Variants in RAB35 observed in about 807,000 individuals in gnomAD.
The protein encoded by RAB35 is ras-related protein Rab-35.
RAB35 carries 4 observed loss-of-function variants against 28.9 expected under a neutral mutation model. The observed-to-expected ratio is 0.14, with a 90% CI of 0.07 to 0.32. RAB35 has a LOEUF of 0.32. RAB35 is among the 10% of genes least tolerant of loss of function. The probability of loss-of-function intolerance (pLI) is 1.00; values close to 1 mark genes in which losing one functional copy is unlikely to be tolerated. For missense variants in RAB35, 128 were observed against 274.0 expected, an observed-to-expected ratio of 0.47 and a Z score of 3.76; for synonymous variants, 99 against 105.1, an observed-to-expected ratio of 0.94 and a Z score of 0.35.
chr12:120,111,940 C>G (rs1876134169), intron 1 of RAB35, among the ~76,000 whole-genome samples: 1 of 151,946 alleles, frequency 6.6e-6, no homozygotes, highest in African/African-American at 2.4e-5. Context: ...CGAGGCTGCC[C>G]AAGGGCACAT....
At position 120,110,934 on chromosome 12, in the gene RAB35, G is replaced by A. The variant is rs533228956; in HGVS notation, c.53-2467C>T. ...CCGAGTCCCGGGTTGGGTCCTTCACGGCGCTGTGCCCAACACCAGCACCCC... is the reference window on the plus strand; with the variant it reads ...CCGAGTCCCGGGTTGGGTCCTTCACAGCGCTGTGCCCAACACCAGCACCCC... On this transcript the variant is annotated intron_variant, in intron 1 of 5. Coordinates refer to ENST00000229340, the MANE Select transcript of RAB35 (RefSeq NM_006861.7). 1.3e-4 allele frequency among the ~76,000 whole-genome samples: 20 copies of A among 152,324 alleles called. No individual in the cohort carries two copies. In the South Asian group the frequency reaches 4.1e-3, roughly 32 times the overall value.
chr12:120,110,289 C>CTTTTTTTTTTTTTTTTTTT (rs1430969524), intron 1 of RAB35, among the ~76,000 whole-genome samples: 1 of 24,968 alleles, frequency 4.0e-5, no homozygotes, highest in African/African-American at 1.9e-4. Flanking sequence ...AAGCCCACAG[C>CTTTTTTTTTTTTTTTTTTT]ATTTTTTTTT....
chr12:120,098,652 G>A (rs146592096), intron 5 of RAB35, among the ~76,000 whole-genome samples, 159 bp downstream of exon 5: 135 of 152,354 alleles, frequency 8.9e-4, no homozygotes, highest in African/African-American at 2.9e-3. Context: ...GTTGAACTAT[G>A]AACTAAGATC....
chr12:120,097,417 G>C, intron 5 of RAB35, 44 bp from the exon 6 acceptor site: 7 of 1,537,090 alleles, frequency 4.6e-6, no homozygotes, highest in Non-Finnish European at 6.2e-6. Context: ...ACCTGGCCAG[G>C]AGGCCCCTGC....
intron 2 of RAB35, among the ~76,000 whole-genome samples, chr12:120,106,591 C>CTTTTTT (rs10709764): frequency 8.8e-5 from 9 of 102,738 alleles, no homozygotes; most frequent in Non-Finnish European, 1.2e-4. Context: ...CTTTCTTTTT[C>CTTTTTT]TTTTTTTTTT....
rs749090710 is a variant in RAB35, at chr12:120,099,106, A to G, written c.276T>C (p.Ser92=). 68 of 1,614,104 alleles carry G rather than the reference A, an allele frequency of 4.2e-5. No homozygotes were observed. In the African/African-American group the frequency reaches 8.5e-4, roughly 20 times the overall value. ...HGVIVVYDVT[S]AESFVNVKRW... is the part of the protein sequence containing the mutation. ...GCTTGACGTTGACAAAGGACTCGGC[A>G]CTGGTGACGTCGTAAACCACAATGA... Residue 92 remains serine (S), a synonymous_variant, in exon 4 of 6, where the codon AGT becomes AGC. Transcript: ENST00000229340.
At chr12:120,101,734 C>T (rs912812544) in intron 3 of RAB35, among the ~76,000 whole-genome samples, 1 of 141,034 alleles carries the variant, frequency 7.1e-6, no homozygotes, top group Non-Finnish European at 1.5e-5. Flanking sequence ...CTTCCCCAGA[C>T]ACGTGGGACG....
In RAB35 at chr12:120,096,932, C is replaced by T. The variant is rs947318733; in HGVS notation, c.*313G>A. 8.1e-6 allele frequency: 11 copies of T among 1,356,310 alleles called. No homozygotes were observed. The highest frequency in any genetic ancestry group is 2.9e-5 in the African/African-American group (2 of 68,456). 84.0% of individuals were successfully genotyped at this position (1,356,310 alleles called of 1,614,324 possible). A position where few individuals can be genotyped will look rare whatever the true frequency, so the allele number is the denominator to read the frequency against. On this transcript the variant is annotated 3_prime_UTR_variant, in exon 6 of 6. Coordinates refer to ENST00000229340, the MANE Select transcript of RAB35 (RefSeq NM_006861.7). Reference sequence around the variant, plus strand: ...AAAAGCCAGAGCAGGACGTGGTGTGCGGCCGGGTAGAGCAATATACACTAT... The same window carrying T: ...AAAAGCCAGAGCAGGACGTGGTGTGTGGCCGGGTAGAGCAATATACACTAT...
intron 1 of RAB35, among the ~76,000 whole-genome samples, chr12:120,114,714 T>C (rs1876258803): frequency 6.6e-6 from 1 of 152,186 alleles, no homozygotes; most frequent in South Asian, 2.1e-4. Flanking sequence ...CACACCTGAC[T>C]TCGGAGAGAA....
At chr12:120,106,611 G>C (rs1362660371) in intron 2 of RAB35, among the ~76,000 whole-genome samples, 5 of 65,220 alleles carry the variant, frequency 7.7e-5, no homozygotes, top group Non-Finnish European at 1.6e-4. Context: ...TTTTTTTTTT[G>C]AGACGGAGTC....
intron 3 of RAB35, among the ~76,000 whole-genome samples, chr12:120,101,396 C>T (rs1389875165): frequency 2.0e-5 from 3 of 152,218 alleles, no homozygotes; most frequent in African/African-American, 7.2e-5. Context: ...TCTCCCCTCA[C>T]CTCCATCCCA....
At chr12:120,098,962 GCCCTGAGGGGCGCAGCCGGCT>G in intron 4 of RAB35, 27 bp from the exon 5 acceptor site, 1 of 1,614,108 alleles carries the variant, frequency 6.2e-7, no homozygotes, top group Non-Finnish European at 8.5e-7. Flanking sequence ...AGTCAGCGCA[GCCCTGAGGGGCGCAGCCGGCT>G]GCCTCTCTCC....
rs1876356062 is a variant in RAB35 at position 120,116,684 on chromosome 12, G to C, written c.-34C>G. 5 of 1,223,384 alleles carry C rather than the reference G, an allele frequency of 4.1e-6. No homozygotes were observed. The highest frequency in any genetic ancestry group is 4.1e-6 in the Non-Finnish European group (4 of 982,488). 75.8% of individuals were successfully genotyped at this position (1,223,384 alleles called of 1,614,324 possible). ...GGGGCGGTGCGCGCGGGCGGGCGGGGTCGGTACTGGCCTCGCGATCCGCAG... is the reference window on the plus strand; with the variant it reads ...GGGGCGGTGCGCGCGGGCGGGCGGGCTCGGTACTGGCCTCGCGATCCGCAG... On this transcript the variant is annotated 5_prime_UTR_variant, in exon 1 of 6. Transcript: ENST00000229340.
intron 1 of RAB35, among the ~76,000 whole-genome samples, chr12:120,113,858 G>A (rs947059485): frequency 3.3e-5 from 5 of 151,862 alleles, no homozygotes; most frequent in East Asian, 1.9e-4. Context: ...TAGAACCTCC[G>A]GCATAACGAA....
intron 1 of RAB35, among the ~76,000 whole-genome samples, chr12:120,110,289 C>CTTTTTTTTTTT (rs1430969524): frequency 8.0e-4 from 20 of 24,938 alleles, no homozygotes; most frequent in South Asian, 3.5e-3. Flanking sequence ...AAGCCCACAG[C>CTTTTTTTTTTT]ATTTTTTTTT....
In RAB35 at chr12:120,098,916, G is replaced by T; in HGVS notation, c.372C>A (p.Asp124Glu). The T allele has an allele frequency of 6.2e-7, 1 of 1,614,222 alleles. No individual in the cohort carries two copies. Among genetic ancestry groups the T allele is most frequent in the Non-Finnish European group, 8.5e-7 (1 of 1,180,044 alleles). Residue 124 changes from aspartate (D) to glutamate (E), a missense_variant, in exon 5 of 6, where the codon GAC (aspartate) becomes GAA (glutamate). Coordinates refer to ENST00000229340, the MANE Select transcript of RAB35 (RefSeq NM_006861.7). ...CRILVGNKND[D>E]PERKVVETED... ...CCGTCTCCACCACCTTCCGCTCAGG[G>T]TCGTCATTCTTATTACCCACTTCAA...
intron 1 of RAB35, chr12:120,108,816 C>T (rs1023764806): frequency 1.9e-5 from 8 of 430,416 alleles, no homozygotes; most frequent in African/African-American, 1.6e-4. Flanking sequence ...AAACGGCCCC[C>T]AAGTGCGTCT....
intron 1 of RAB35, among the ~76,000 whole-genome samples, chr12:120,109,242 T>C (rs910936830): frequency 2.6e-5 from 4 of 151,976 alleles, no homozygotes; most frequent in African/African-American, 9.7e-5. Context: ...TCACCTGAGG[T>C]CGGGAGTTCA....
At chr12:120,115,650 C>T (rs1876299256) in intron 1 of RAB35, among the ~76,000 whole-genome samples, 1 of 152,228 alleles carries the variant, frequency 6.6e-6, no homozygotes. Context: ...TCATTAATTC[C>T]TTCTGCAAAT....
Sources: allele counts gnomAD v4.1 joint callset (sites outside exome capture counted in the v4.1 genomes callset), GRCh38; gene constraint gnomAD v4.1.1; transcripts MANE v1.5; gene names NCBI Gene and HGNC (gene_info 2026-07-23, HGNC 2026-07-21).